The following DNA2 variants were observed in gnomAD, a reference collection of about 807,000 sequenced individuals.
DNA2 encodes DNA replication ATP-dependent helicase/nuclease DNA2.
A neutral mutation model predicts 119.1 loss-of-function variants in DNA2; 101 were observed. That is an observed-to-expected ratio of 0.85 (90% CI 0.72 to 1.00). The LOEUF is 1.00. Among genes scored for constraint, DNA2 ranks in the 50% least tolerant of loss-of-function variants. The pLI, the probability that DNA2 is intolerant of heterozygous loss-of-function variation, is 0.00. For missense variants in DNA2, 1,121 were observed against 1,255.5 expected (o/e 0.89, Z 1.62); for synonymous variants, 366 against 424.4 (o/e 0.86, Z 1.69).
At chr10:68,429,209 G>A (rs917277513) in intron 14 of DNA2, among the ~76,000 whole-genome samples, 9 of 149,354 alleles carry the variant, frequency 6.0e-5, no homozygotes, top group African/African-American at 1.5e-4. Context: ...CACTATAGCC[G>A]CGCCCATAAT....
chr10:68,427,420 G>A (rs1212962143), intron 14 of DNA2, among the ~76,000 whole-genome samples: 1 of 151,842 alleles, frequency 6.6e-6, no homozygotes, highest in Non-Finnish European at 1.5e-5. Flanking sequence ...AACACTTTGG[G>A]AGGCAGACAG....
At chr10:68,470,606 C>G (rs1428985673) in intron 1 of DNA2, 1 of 452,772 alleles carries the variant, frequency 2.2e-6, no homozygotes, top group East Asian at 7.0e-5. Context: ...AGAAAAAGAC[C>G]CCGGTTCTGG....
At chr10:68,438,091 C>T (rs1590058822) in intron 9 of DNA2, among the ~76,000 whole-genome samples, 1 of 152,184 alleles carries the variant, frequency 6.6e-6, no homozygotes, top group Non-Finnish European at 1.5e-5. Context: ...GTTGCACCCA[C>T]AGGCTGGGAT....
intron 4 of DNA2, among the ~76,000 whole-genome samples, chr10:68,460,445 T>C (rs1214084084): frequency 1.3e-5 from 2 of 151,152 alleles, no homozygotes; most frequent in Non-Finnish European, 2.9e-5. Flanking sequence ...GAGAGAGAGT[T>C]TCACTCTTGT....
chr10:68,446,178 G>A, intron 7 of DNA2, 118 bp downstream of exon 7: 1 of 599,270 alleles, frequency 1.7e-6, no homozygotes, highest in Non-Finnish European at 2.9e-6. Context: ...AAAACCCACA[G>A]CTACAAATTA....
At chr10:68,453,142 C>T (rs2052141865) in intron 5 of DNA2, among the ~76,000 whole-genome samples, 1 of 152,030 alleles carries the variant, frequency 6.6e-6, no homozygotes, top group African/African-American at 2.4e-5. Context: ...CTCAGGTGAT[C>T]CATCCATCTC....
intron 14 of DNA2, chr10:68,424,711 A>G: frequency 3.7e-6 from 6 of 1,601,598 alleles, no homozygotes; most frequent in Non-Finnish European, 5.1e-6. Context: ...CCCATCCGCA[A>G]GGACGACGAG....
chr10:68,417,770 T>C (rs2051611272), intron 19 of DNA2, among the ~76,000 whole-genome samples: 1 of 152,028 alleles, frequency 6.6e-6, no homozygotes, highest in South Asian at 2.1e-4. Context: ...AACCATTCCA[T>C]CTGACAGATG....
intron 5 of DNA2, among the ~76,000 whole-genome samples, chr10:68,457,455 G>T (rs1051558544): frequency 6.6e-6 from 1 of 152,040 alleles, no homozygotes; most frequent in Non-Finnish European, 1.5e-5. Context: ...AACATTCTAT[G>T]GAATATCCCT....
At chr10:68,440,088 G>A (rs903740146) in intron 9 of DNA2, among the ~76,000 whole-genome samples, 2 of 151,930 alleles carry the variant, frequency 1.3e-5, no homozygotes, top group African/African-American at 4.8e-5. Flanking sequence ...TGGACTGCTT[G>A]AGGCCAGGAG....
intron 12 of DNA2, 88 bp from the exon 13 acceptor site, chr10:68,432,059 C>T: frequency 8.4e-7 from 1 of 1,190,224 alleles, no homozygotes; most frequent in East Asian, 2.3e-5. Flanking sequence ...AGTCTCTATC[C>T]AAGTCTATTC....
At chr10:68,423,028 A>C in intron 14 of DNA2, 138 bp from the exon 15 acceptor site, 1 of 609,188 alleles carries the variant, frequency 1.6e-6, no homozygotes. Context: ...TAATTCTGAA[A>C]TATTTATAGC....
In DNA2 at chr10:68,459,170, C is replaced by T. The variant is rs571505621; in HGVS notation, c.653G>A (p.Cys218Tyr). 82 of 1,587,926 alleles carry T rather than the reference C, an allele frequency of 5.2e-5. No homozygotes were observed. Among genetic ancestry groups the T allele is most frequent in the Non-Finnish European group, 6.6e-5 (77 of 1,165,890 alleles). ...ATGCATGAAATCTCCTGCCCATTTA[C>T]AAAACGAAGGAAGATAGTCCTCTAC... ...QEVEDYLPSF[C>Y]KWAGDFMHKN... is the part of the protein sequence containing the mutation. The change falls in exon 5 of 21, where the codon TGT (cysteine) becomes TAT (tyrosine). Residue 218 changes from cysteine (C) to tyrosine (Y), a missense_variant. By Grantham distance (194) the Cys-to-Tyr change is radical. Transcript: ENST00000358410.
At chr10:68,450,396 T>G in intron 5 of DNA2, 149 bp from the exon 6 acceptor site, 1 of 654,066 alleles carries the variant, frequency 1.5e-6, no homozygotes, top group Non-Finnish European at 2.6e-6. Context: ...ACTTGGTCCC[T>G]GGACCAGTAG....
At chr10:68,462,390 G>T (rs995708026) in intron 4 of DNA2, among the ~76,000 whole-genome samples, 1 of 152,158 alleles carries the variant, frequency 6.6e-6, no homozygotes, top group South Asian at 2.1e-4. Flanking sequence ...CAGCAAAAAT[G>T]AATATACATG....
At chr10:68,439,031 CAAAAA>C (rs35393675) in intron 9 of DNA2, among the ~76,000 whole-genome samples, 1 of 80,610 alleles carries the variant, frequency 1.2e-5, no homozygotes, top group African/African-American at 3.6e-5. Flanking sequence ...AGAATCTGTC[CAAAAA>C]AAAAAAAAAA....
At chr10:68,459,283 C>A in intron 4 of DNA2, 48 bp from the exon 5 acceptor site, 9 of 1,445,718 alleles carry the variant, frequency 6.2e-6, no homozygotes, top group South Asian at 1.5e-5. Context: ...GCGGTACCTG[C>A]CAAAAATATG....
At chr10:68,463,741 T>A (rs1002002045) in intron 4 of DNA2, among the ~76,000 whole-genome samples, 2 of 151,862 alleles carry the variant, frequency 1.3e-5, no homozygotes, top group African/African-American at 4.8e-5. Flanking sequence ...AACACATTCA[T>A]CAGACATTGA....
intron 14 of DNA2, among the ~76,000 whole-genome samples, chr10:68,423,800 C>T (rs1361023922): frequency 6.6e-6 from 1 of 152,166 alleles, no homozygotes; most frequent in Non-Finnish European, 1.5e-5. Context: ...CCAGCGGTAA[C>T]GAGGAACCTC....
Sources: gnomAD v4.1 joint callset for allele counts (sites outside exome capture counted in the v4.1 genomes callset) on GRCh38, gnomAD v4.1.1 for gene constraint, MANE v1.5 for transcripts, NCBI Gene and HGNC (gene_info 2026-07-23, HGNC 2026-07-21) for gene names.